The following TAAR1 variants were observed in gnomAD, a reference collection of about 807,000 sequenced individuals.
The protein encoded by TAAR1 is trace amine-associated receptor 1.
TAAR1 carries 1 observed loss-of-function variant against 1.2 expected under a neutral mutation model. The observed-to-expected ratio is 0.81, with a 90% CI of 0.29 to 3.86. The LOEUF (loss-of-function observed/expected upper bound fraction) is 3.86. Among genes scored for constraint, TAAR1 ranks in the 30% most tolerant of loss-of-function variants. The probability of loss-of-function intolerance (pLI) is 0.18; values close to 1 mark genes in which losing one functional copy is unlikely to be tolerated. For synonymous variants in TAAR1, 153 were observed against 132.2 expected, an observed-to-expected ratio of 1.16 and a Z score of -1.08; for missense variants, 445 against 405.6, an observed-to-expected ratio of 1.10 and a Z score of -0.83.
rs765354238 is a variant in TAAR1, at chr6:132,645,263, CCTTT to C, written c.737_740del (p.Glu246GlyfsTer4). ...CAATCCCCAATGTCTTCACAGCTTT[CCTTT>C]CTTTGCTTTGTGAAATTCCATTTTT... is the stretch of plus-strand genomic sequence containing the variant. On this transcript the variant is annotated frameshift_variant, in exon 2 of 2. Coordinates refer to ENST00000275216, the MANE Select transcript of TAAR1 (RefSeq NM_138327.4). LOFTEE classifies it low-confidence loss of function (END_TRUNC). The C allele has an allele frequency of 7.9e-5, 127 of 1,613,598 alleles. No homozygotes were observed. The highest frequency in any genetic ancestry group is 1.0e-4 in the Non-Finnish European group (121 of 1,179,810).
chr6:132,656,443 A>G (rs951159190), intron 1 of TAAR1, among the ~76,000 whole-genome samples: 2 of 152,152 alleles, frequency 1.3e-5, no homozygotes, highest in African/African-American at 4.8e-5. Context: ...AGACAATAAG[A>G]TGAAATATAT....
At chr6:132,648,926 T>C (rs1777717198) in intron 1 of TAAR1, among the ~76,000 whole-genome samples, 1 of 152,192 alleles carries the variant, frequency 6.6e-6, no homozygotes, top group Admixed American at 6.5e-5. Context: ...GATCTAATCA[T>C]CTAATGTTTG....
chr6:132,657,087 A>G (rs180744571), intron 1 of TAAR1, among the ~76,000 whole-genome samples: 4 of 152,310 alleles, frequency 2.6e-5, no homozygotes, highest in African/African-American at 9.6e-5. Context: ...AAGAACATTC[A>G]AAATGAAAAA....
At position 132,645,951 on chromosome 6, in the gene TAAR1, C is replaced by G. The variant is rs1271001877; in HGVS notation, c.53G>C (p.Trp18Ser). Residue 18 changes from tryptophan to serine, a missense_variant, in exon 2 of 2, where the codon TGG becomes TCG. Trp to Ser is a radical substitution (Grantham distance 177). Coordinates refer to ENST00000275216, the MANE Select transcript of TAAR1 (RefSeq NM_138327.4). ...CAGGGAAGCACGGACATCATTTGAC[C>G]AGTTGTTTTTCACACAGGAAATATT... ...IINISCVKNN[W>S]SNDVRASLYS... 1 of 1,610,388 alleles carries G rather than the reference C, an allele frequency of 6.2e-7. No individual in the cohort carries two copies. The highest frequency in any genetic ancestry group is 1.7e-5 in the Admixed American group (1 of 59,844).
intron 1 of TAAR1, among the ~76,000 whole-genome samples, chr6:132,652,253 T>C (rs1233597184): frequency 6.6e-6 from 1 of 151,642 alleles, no homozygotes; most frequent in Non-Finnish European, 1.5e-5. Flanking sequence ...GATTGAGATA[T>C]GAATTTTTTT....
chr6:132,645,207 G>A lies in TAAR1; in HGVS notation c.797C>T (p.Pro266Leu), dbSNP rs1427520356. ...VMGVFLICWCPFFICTVMDPF... is the reference protein window; with the variant it reads ...VMGVFLICWCLFFICTVMDPF... ...GTCCATGACTGTACAGATAAAGAAA[G>A]GGCACCAGCATATTAGGAAAACTCC... Residue 266 changes from proline (P) to leucine (L), a missense_variant, in exon 2 of 2, where the codon CCT becomes CTT. Pro to Leu is a moderately conservative substitution (Grantham distance 98, BLOSUM62 -3). Transcript: ENST00000275216. 3 of 1,613,394 alleles carry A rather than the reference G, an allele frequency of 1.9e-6. 1 individual carries two copies. In the South Asian group the frequency reaches 3.3e-5, roughly 18 times the overall value.
intron 1 of TAAR1, among the ~76,000 whole-genome samples, chr6:132,654,642 T>C (rs1777783183): frequency 1.3e-5 from 2 of 152,234 alleles, no homozygotes; most frequent in Non-Finnish European, 2.9e-5. Flanking sequence ...CAAGGGCTTA[T>C]AGCACCCATG....
chr6:132,654,895 C>A (rs1312515682), intron 1 of TAAR1, among the ~76,000 whole-genome samples: 1 of 152,118 alleles, frequency 6.6e-6, no homozygotes, highest in Admixed American at 6.5e-5. Flanking sequence ...TGAAAAGATA[C>A]ATTTTTAAAA....
chr6:132,644,008 C>T lies in TAAR1; in HGVS notation c.*976G>A, dbSNP rs888552723. ...GCCTGTGTTTTGAACCCTATCATGC[C>T]AGATATGACCTTAAGACATGGTAAA... On this transcript the variant is annotated 3_prime_UTR_variant, in exon 2 of 2. Coordinates refer to ENST00000275216, the MANE Select transcript of TAAR1 (RefSeq NM_138327.4). 6.6e-6 allele frequency among the ~76,000 whole-genome samples: 1 copy of T among 151,890 alleles called. No homozygotes were observed. The highest frequency in any genetic ancestry group is 6.6e-5 in the Admixed American group (1 of 15,220).
intron 1 of TAAR1, among the ~76,000 whole-genome samples, chr6:132,655,714 A>G (rs1336232397): frequency 2.6e-5 from 4 of 152,196 alleles, no homozygotes; most frequent in Non-Finnish European, 5.9e-5. Flanking sequence ...AGAAGCAAAG[A>G]CATAAGCAAG....
At chr6:132,649,114 A>G (rs1777719160) in intron 1 of TAAR1, among the ~76,000 whole-genome samples, 1 of 152,098 alleles carries the variant, frequency 6.6e-6, no homozygotes, top group Admixed American at 6.6e-5. Context: ...AATTGTTCAG[A>G]ATTTCATCTC....
chr6:132,657,940 T>C (rs1222155344), intron 1 of TAAR1, among the ~76,000 whole-genome samples: 1 of 152,112 alleles, frequency 6.6e-6, no homozygotes, highest in African/African-American at 2.4e-5. Flanking sequence ...TAAAAAACTA[T>C]TGGTGAATAA....
chr6:132,657,383 C>CATATATAT (rs10628687), intron 1 of TAAR1, among the ~76,000 whole-genome samples: 1 of 148,464 alleles, frequency 6.7e-6, no homozygotes, highest in African/African-American at 2.5e-5. Flanking sequence ...GTCAGACTTA[C>CATATATAT]ATATATATAT....
chr6:132,652,746 T>C (rs1414415615), intron 1 of TAAR1, among the ~76,000 whole-genome samples: 3 of 150,822 alleles, frequency 2.0e-5, no homozygotes, highest in African/African-American at 4.9e-5. Flanking sequence ...TTTTCTTTGG[T>C]TTATTTTATA....
In TAAR1 at chr6:132,644,357, A is replaced by AT. The variant is rs11309032; in HGVS notation, c.*626dup. Among the ~76,000 whole-genome samples, 4 of 151,756 alleles carry AT rather than the reference A, an allele frequency of 2.6e-5. No homozygotes were observed. The highest frequency in any genetic ancestry group is 4.8e-5 in the African/African-American group (2 of 41,366). ...TACCAGGAAGTATACTATGAATAACATTTTTTTAATTTCATTTGGTTTGTA... is the reference window on the plus strand; with the variant it reads ...TACCAGGAAGTATACTATGAATAACATTTTTTTTAATTTCATTTGGTTTGTA... On this transcript the variant is annotated 3_prime_UTR_variant, in exon 2 of 2. Transcript: ENST00000275216.
At chr6:132,647,220 A>T (rs1777682730) in intron 1 of TAAR1, among the ~76,000 whole-genome samples, 1 of 152,044 alleles carries the variant, frequency 6.6e-6, no homozygotes. Flanking sequence ...GGCATCTTCT[A>T]CTAGGCCTCC....
chr6:132,651,485 C>T (rs1044891552), intron 1 of TAAR1, among the ~76,000 whole-genome samples: 2 of 152,164 alleles, frequency 1.3e-5, no homozygotes, highest in Non-Finnish European at 2.9e-5. Flanking sequence ...CATGACAACT[C>T]TATTCTTGAA....
intron 1 of TAAR1, among the ~76,000 whole-genome samples, chr6:132,647,619 AAAAGGAAAGAAAGAAAGAAAG>A (rs1258156121): frequency 1.0e-4 from 12 of 116,016 alleles, no homozygotes; most frequent in African/African-American, 2.3e-4. Flanking sequence ...GAAAGAAAGA[AAAAGGAAAGAAAGAAAGAAAG>A]AAAGAAAGAA....
chr6:132,655,243 A>G (rs1281976292), intron 1 of TAAR1, among the ~76,000 whole-genome samples: 1 of 152,236 alleles, frequency 6.6e-6, no homozygotes, highest in African/African-American at 2.4e-5. Flanking sequence ...TGATACAGAC[A>G]TTTTGAAAAC....
Sources: gnomAD v4.1 joint callset for allele counts (sites outside exome capture counted in the v4.1 genomes callset) on GRCh38, gnomAD v4.1.1 for gene constraint, MANE v1.5 for transcripts, NCBI Gene and HGNC (gene_info 2026-07-23, HGNC 2026-07-21) for gene names.